Variants in KMT2C observed in about 807,000 individuals in gnomAD.
The protein encoded by KMT2C is histone-lysine N-methyltransferase 2C.
Under a neutral mutation model 507.9 loss-of-function variants are expected in KMT2C, and 88 were observed. That is an observed-to-expected ratio of 0.17 (90% CI 0.15 to 0.21). The LOEUF (loss-of-function observed/expected upper bound fraction) is 0.21. Ranked by LOEUF, KMT2C falls within the 10% of genes least tolerant of loss-of-function variation. KMT2C has a pLI of 1.00. For missense variants in KMT2C, 4,954 were observed against 5,957.8 expected (o/e 0.83, Z 5.55); for synonymous variants, 2,049 against 2,080.8 (o/e 0.98, Z 0.42).
At chr7:152,149,642 A>G (rs1157444586) in intron 51 of KMT2C, among the ~76,000 whole-genome samples, 1 of 152,216 alleles carries the variant, frequency 6.6e-6, no homozygotes, top group Admixed American at 6.5e-5. Flanking sequence ...CAATTGGTGT[A>G]AATGTTACAG....
intron 6 of KMT2C, among the ~76,000 whole-genome samples, chr7:152,303,995 C>CA (rs940988378): frequency 2.9e-4 from 44 of 149,156 alleles, no homozygotes; most frequent in South Asian, 6.3e-4. Context: ...TCTCCAAAAA[C>CA]AAAAAAAAAG....
rs1222894668 is a variant in KMT2C, at chr7:152,176,923, C to T, written c.8530G>A (p.Glu2844Lys). The change falls in exon 38 of 59, where the codon GAG (glutamate) becomes AAG (lysine). Residue 2844 changes from glutamate (E) to lysine (K), a missense_variant. Glu to Lys is a moderately conservative substitution (Grantham distance 56). Coordinates refer to ENST00000262189, the MANE Select transcript of KMT2C (RefSeq NM_170606.3). ...GGAGTGTCAACATTATCTTTATTCT[C>T]ATCATTTTTTTCAGTTTCACATTTG... ...ESKCETEKND[E>K]NKDNVDTPCS... 1.2e-5 allele frequency: 20 copies of T among 1,614,164 alleles called. No homozygotes were observed. The highest frequency in any genetic ancestry group is 1.7e-5 in the Non-Finnish European group (20 of 1,180,024).
At chr7:152,230,134 T>C (rs2095063900) in intron 17 of KMT2C, 86 bp downstream of exon 17, 38 of 1,022,682 alleles carry the variant, frequency 3.7e-5, no homozygotes, top group South Asian at 2.7e-4. Flanking sequence ...TAGCTAAATA[T>C]TGAATGACTT....
chr7:152,232,391 C>T (rs1299939812), intron 16 of KMT2C, among the ~76,000 whole-genome samples: 2 of 152,042 alleles, frequency 1.3e-5, no homozygotes, highest in East Asian at 3.8e-4. Flanking sequence ...TATCAAAAGA[C>T]GTTGTTGAGT....
intron 55 of KMT2C, among the ~76,000 whole-genome samples, chr7:152,141,096 T>TG (rs1221513131): frequency 6.7e-6 from 1 of 148,796 alleles, no homozygotes; most frequent in Non-Finnish European, 1.5e-5. Flanking sequence ...AAAAATTAGC[T>TG]GGGCATGGTG....
chr7:152,360,069 G>A (rs1358360503), intron 1 of KMT2C, among the ~76,000 whole-genome samples: 12 of 67,860 alleles, frequency 1.8e-4, no homozygotes, highest in South Asian at 9.0e-4. Context: ...AAAAAAAAGG[G>A]GGGTGGGGGG....
chr7:152,374,585 C>T (rs913854768), intron 1 of KMT2C, among the ~76,000 whole-genome samples: 21 of 151,978 alleles, frequency 1.4e-4, no homozygotes, highest in Admixed American at 5.2e-4. Flanking sequence ...ATGGGAAAAT[C>T]GACACTAGTA....
chr7:152,293,248 T>C (rs577812089), intron 6 of KMT2C, among the ~76,000 whole-genome samples: 2 of 152,318 alleles, frequency 1.3e-5, no homozygotes, highest in Admixed American at 1.3e-4. Context: ...GTAGTAACAA[T>C]TGGCTGTCCA....
chr7:152,259,132 A>G (rs1341195361), intron 9 of KMT2C, among the ~76,000 whole-genome samples: 1 of 152,134 alleles, frequency 6.6e-6, no homozygotes, highest in Admixed American at 6.5e-5. Flanking sequence ...AAAAACAAGT[A>G]TATCGAGAAG....
chr7:152,385,028 G>C (rs1420482836), intron 1 of KMT2C, among the ~76,000 whole-genome samples: 1 of 152,006 alleles, frequency 6.6e-6, no homozygotes, highest in Admixed American at 6.6e-5. Context: ...GCCTCCTGAT[G>C]AAAGAATGCA....
At chr7:152,352,537 G>A (rs779640744) in intron 2 of KMT2C, among the ~76,000 whole-genome samples, 1 of 152,092 alleles carries the variant, frequency 6.6e-6, no homozygotes, top group East Asian at 1.9e-4. Context: ...ACCAACATGT[G>A]ATGTCTCCCC....
At chr7:152,199,232 GTATGT>G (rs1181977187) in intron 27 of KMT2C, 42 bp downstream of exon 27, 13 of 1,409,850 alleles carry the variant, frequency 9.2e-6, no homozygotes, top group South Asian at 2.7e-5. Flanking sequence ...AAAGGAAGAT[GTATGT>G]TATATGATAT....
chr7:152,430,122 G>A (rs1009347061), intron 1 of KMT2C, among the ~76,000 whole-genome samples: 31 of 150,500 alleles, frequency 2.1e-4, no homozygotes, highest in Admixed American at 5.3e-4. Context: ...CAGCCACAGT[G>A]AGCCAGGATC....
chr7:152,322,144 GC>G (rs1260649330), intron 3 of KMT2C, among the ~76,000 whole-genome samples: 2 of 151,466 alleles, frequency 1.3e-5, no homozygotes, highest in African/African-American at 2.4e-5. Flanking sequence ...CAGGCAGACT[GC>G]TTGAGCCCAG....
At chr7:152,353,086 A>T (rs188562298) in intron 2 of KMT2C, among the ~76,000 whole-genome samples, 3 of 152,168 alleles carry the variant, frequency 2.0e-5, no homozygotes, top group African/African-American at 4.8e-5. Context: ...TTATTCATAT[A>T]AAAAAAATGC....
intron 7 of KMT2C, among the ~76,000 whole-genome samples, chr7:152,272,821 G>C (rs191852035): frequency 6.6e-6 from 1 of 152,262 alleles, no homozygotes; most frequent in Non-Finnish European, 1.5e-5. Context: ...ATTAGTTTAA[G>C]CCTGGGGTAG....
intron 4 of KMT2C, among the ~76,000 whole-genome samples, chr7:152,314,032 TTTA>T: frequency 6.6e-6 from 1 of 152,242 alleles, no homozygotes; most frequent in Non-Finnish European, 1.5e-5. Context: ...TTTTGATTAT[TTTA>T]TTAAGATGTG....
At position 152,385,536 on chromosome 7, in the gene KMT2C, C is replaced by T. The variant is rs2097417471; in HGVS notation, c.162-26861G>A. Among the ~76,000 whole-genome samples, 2 of 111,496 alleles carry T rather than the reference C, an allele frequency of 1.8e-5. 1 individual carries two copies. Among genetic ancestry groups the T allele is most frequent in the Admixed American group, 1.9e-4 (2 of 10,698 alleles). The allele number at this position is 111,496 out of a possible 152,430, so 73.1% of individuals were successfully genotyped here. ...CTGAGGCAGGAGAATGGCGTGAACC[C>T]GGGAGGCGGAGCTTGCAGTGAGCCG... On this transcript the variant is annotated intron_variant, in intron 1 of 58. Coordinates refer to ENST00000262189, the MANE Select transcript of KMT2C (RefSeq NM_170606.3).
chr7:152,174,037 G>A (rs897357245), intron 39 of KMT2C, 94 bp downstream of exon 39: 1 of 679,574 alleles, frequency 1.5e-6, no homozygotes, highest in Non-Finnish European at 2.6e-6. Flanking sequence ...TCCTAGACAA[G>A]GGCTTTCCAT....
Sources: allele counts gnomAD v4.1 joint callset (sites outside exome capture counted in the v4.1 genomes callset), GRCh38; gene constraint gnomAD v4.1.1; transcripts MANE v1.5; gene names NCBI Gene and HGNC (gene_info 2026-07-23, HGNC 2026-07-21).